Variants in MICU1 observed in about 807,000 individuals in gnomAD.
The protein encoded by MICU1 is mitochondrial calcium uptake 1, also known as calcium uptake protein 1, mitochondrial.
Under a neutral mutation model 56.8 loss-of-function variants are expected in MICU1, and 45 were observed. The ratio of observed to expected loss-of-function variants is 0.79; its 90% CI spans 0.62 to 1.02. The LOEUF is 1.02. MICU1 is among the 50% of genes least tolerant of loss of function. MICU1 has a pLI of 0.00. For missense variants in MICU1, 504 were observed against 587.1 expected (o/e 0.86, Z 1.46); for synonymous variants, 186 against 195.1 (o/e 0.95, Z 0.39).
chr10:72,484,100 G>A (rs988822371), intron 6 of MICU1, among the ~76,000 whole-genome samples: 3 of 152,174 alleles, frequency 2.0e-5, no homozygotes, highest in Non-Finnish European at 2.9e-5. Flanking sequence ...TTGTGCAGCT[G>A]TATACTCCCA....
intron 3 of MICU1, among the ~76,000 whole-genome samples, chr10:72,552,431 T>C (rs1840056890): frequency 6.6e-6 from 1 of 152,180 alleles, no homozygotes; most frequent in East Asian, 1.9e-4. Context: ...ACAATAAATA[T>C]CTTATAAATA....
At chr10:72,567,676 G>GA (rs1172984605) in intron 1 of MICU1, among the ~76,000 whole-genome samples, 11 of 152,162 alleles carry the variant, frequency 7.2e-5, no homozygotes, top group African/African-American at 2.7e-4. Flanking sequence ...GCCACCCATG[G>GA]GGAGGCAGTT....
At chr10:72,417,617 T>C (rs1864026041) in intron 9 of MICU1, among the ~76,000 whole-genome samples, 1 of 152,212 alleles carries the variant, frequency 6.6e-6, no homozygotes, top group African/African-American at 2.4e-5. Flanking sequence ...TCTGCATTCA[T>C]AAACATAGAG....
rs566558879 is a variant in MICU1 at position 72,436,767 on chromosome 10, C to T, written c.934-13396G>A. On this transcript the variant is annotated intron_variant, in intron 8 of 11. Transcript: ENST00000361114. Reference sequence around the variant, plus strand: ...TGGCATGAGAACTTCGTGACGTATGCACAAGCTTCAGCAGCCGATTCGATC... The same window carrying T: ...TGGCATGAGAACTTCGTGACGTATGTACAAGCTTCAGCAGCCGATTCGATC... 7.9e-5 allele frequency among the ~76,000 whole-genome samples: 12 copies of T among 152,182 alleles called. 1 individual carries two copies. The South Asian group carries it at 2.5e-3, about 32-fold the overall frequency.
In MICU1 at chr10:72,612,931, T is replaced by C. The variant is rs1359380852; in HGVS notation, c.-2+13079A>G. The stretch of plus-strand genomic sequence containing the variant: ...AAAAAGAGAGAGAAAAGATGCAGTA[T>C]CTGTAAGACAAAATCCATAATATAA... On this transcript the variant is annotated intron_variant, in intron 1 of 11. Transcript: ENST00000361114. Among the ~76,000 whole-genome samples the C allele has an allele frequency of 5.9e-5, 9 of 152,120 alleles. No individual in the cohort carries two copies. The East Asian group carries it at 1.7e-3, about 29-fold the overall frequency.
intron 2 of MICU1, among the ~76,000 whole-genome samples, chr10:72,564,802 T>C (rs1222195932): frequency 6.6e-6 from 1 of 151,962 alleles, no homozygotes; most frequent in Non-Finnish European, 1.5e-5. Context: ...GAGTCAACAC[T>C]CAGCAGTGCA....
At chr10:72,471,362 G>C (rs1233174544) in intron 8 of MICU1, among the ~76,000 whole-genome samples, 1 of 152,192 alleles carries the variant, frequency 6.6e-6, no homozygotes, top group Non-Finnish European at 1.5e-5. Flanking sequence ...GGGATTACAG[G>C]CATGAGCCAC....
At chr10:72,609,310 A>AT (rs1251825923) in intron 1 of MICU1, among the ~76,000 whole-genome samples, 1 of 152,210 alleles carries the variant, frequency 6.6e-6, no homozygotes, top group Non-Finnish European at 1.5e-5. Context: ...GCTGCATGAC[A>AT]TGTTGAATGT....
chr10:72,423,238 C>T lies in MICU1; in HGVS notation c.1067G>A (p.Gly356Glu), dbSNP rs1211792862. The T allele has an allele frequency of 6.2e-7, 1 of 1,612,824 alleles. No homozygotes were observed. The highest frequency in any genetic ancestry group is 8.5e-7 in the Non-Finnish European group (1 of 1,179,432). The stretch of plus-strand genomic sequence containing the variant: ...CCTCCAGCCAAAGCTACCTACCTTT[C>T]CTTCTTTGAAGTGCTTCTTGAGCTG... ...QRQLKKHFKE[G>E]KGLTFQEVEN... Residue 356 changes from glycine to glutamate, a missense_variant, in exon 9 of 12, where the codon GGA becomes GAA. Transcript: ENST00000361114.
intron 11 of MICU1, 92 bp downstream of exon 11, chr10:72,375,691 C>T (rs972745026): frequency 4.2e-6 from 5 of 1,194,618 alleles, no homozygotes; most frequent in Non-Finnish European, 5.9e-6. Context: ...TGGGCTGGTA[C>T]ACAGATGCTG....
intron 9 of MICU1, among the ~76,000 whole-genome samples, chr10:72,418,988 A>G (rs1864072684): frequency 6.6e-6 from 1 of 152,216 alleles, no homozygotes; most frequent in South Asian, 2.1e-4. Flanking sequence ...TCATCTGACA[A>G]AATTTGTCCT....
chr10:72,408,040 G>A lies in MICU1; in HGVS notation c.1072-3C>T, dbSNP rs1224656441. 8 of 1,604,590 alleles carry A rather than the reference G, an allele frequency of 5.0e-6. No homozygotes were observed. Among genetic ancestry groups the A allele is most frequent in the Non-Finnish European group, 6.8e-6 (8 of 1,172,288 alleles). ...TCCACCTCCTGAAATGTCAGACCCTGCAAGAGGAGAGACAGCAAGGTAAGG... is the reference window on the plus strand; with the variant it reads ...TCCACCTCCTGAAATGTCAGACCCTACAAGAGGAGAGACAGCAAGGTAAGG... On this transcript the variant is annotated splice_region_variant and splice_polypyrimidine_tract_variant and intron_variant, in intron 9 of 11. Coordinates refer to ENST00000361114, the MANE Select transcript of MICU1 (RefSeq NM_001195518.2).
intron 3 of MICU1, chr10:72,560,556 A>G (rs1485502340): frequency 6.6e-6 from 1 of 152,234 alleles, no homozygotes; most frequent in Admixed American, 6.5e-5. Flanking sequence ...TACATAGGAT[A>G]ATAGATATGT....
chr10:72,573,769 G>C (rs1840674168), intron 1 of MICU1, among the ~76,000 whole-genome samples: 1 of 152,158 alleles, frequency 6.6e-6, no homozygotes, highest in African/African-American at 2.4e-5. Context: ...CCAGAAGGCA[G>C]TTGTTGCATT....
chr10:72,548,362 AAC>A (rs1222531551), intron 4 of MICU1, among the ~76,000 whole-genome samples: 1 of 152,266 alleles, frequency 6.6e-6, no homozygotes, highest in African/African-American at 2.4e-5. Flanking sequence ...AACCAACTGT[AAC>A]AGTTATTTTT....
intron 5 of MICU1, among the ~76,000 whole-genome samples, chr10:72,516,511 T>C (rs537368228): frequency 2.6e-5 from 4 of 152,340 alleles, no homozygotes; most frequent in East Asian, 1.9e-4. Context: ...TCTTTGTCCA[T>C]GCCTATGTCC....
At chr10:72,540,785 T>C (rs1188942994) in intron 4 of MICU1, among the ~76,000 whole-genome samples, 2 of 152,250 alleles carry the variant, frequency 1.3e-5, no homozygotes, top group Non-Finnish European at 1.5e-5. Flanking sequence ...GTTGTGTAAC[T>C]TGTTTTAGCC....
intron 1 of MICU1, among the ~76,000 whole-genome samples, chr10:72,606,335 A>C (rs1343484209): frequency 6.6e-6 from 1 of 151,810 alleles, no homozygotes; most frequent in Non-Finnish European, 1.5e-5. Flanking sequence ...AACACAGTGA[A>C]ACCCCGTCTC....
chr10:72,372,319 G>C (rs1202329235), intron 11 of MICU1, among the ~76,000 whole-genome samples: 1 of 152,076 alleles, frequency 6.6e-6, no homozygotes, highest in East Asian at 1.9e-4. Flanking sequence ...AGTGAGCTAT[G>C]ATCGCACCAC....
Sources: gnomAD v4.1 joint callset for allele counts (sites outside exome capture counted in the v4.1 genomes callset) on GRCh38, gnomAD v4.1.1 for gene constraint, MANE v1.5 for transcripts, NCBI Gene and HGNC (gene_info 2026-07-23, HGNC 2026-07-21) for gene names.